PRKDC: variants seen among roughly 807,000 people sequenced by gnomAD.
The protein encoded by PRKDC is DNA-dependent protein kinase catalytic subunit.
A neutral mutation model predicts 486.9 loss-of-function variants in PRKDC; 82 were observed. That is an observed-to-expected ratio of 0.17 (90% CI 0.14 to 0.20). The LOEUF (loss-of-function observed/expected upper bound fraction) is 0.20, where lower values mean the gene tolerates loss of function less well. PRKDC is among the 10% of genes least tolerant of loss of function. The pLI, the probability that PRKDC is intolerant of heterozygous loss-of-function variation, is 1.00. For missense variants in PRKDC, 4,504 were observed against 5,038.2 expected (o/e 0.89, Z 3.21); for synonymous variants, 1,895 against 1,837.0 (o/e 1.03, Z -0.81).
intron 60 of PRKDC, among the ~76,000 whole-genome samples, chr8:47,831,252 A>C (rs2087864881): frequency 1.3e-5 from 2 of 152,218 alleles, no homozygotes; most frequent in South Asian, 4.1e-4. Context: ...CCCCACTTCC[A>C]GGGCTTCACA....
chr8:47,848,021 A>G (rs1349984867), intron 54 of PRKDC, among the ~76,000 whole-genome samples: 3 of 152,286 alleles, frequency 2.0e-5, no homozygotes, highest in Middle Eastern at 3.4e-3. Flanking sequence ...AAAAAGGAAC[A>G]CTTATACATG....
At chr8:47,840,790 GAT>G (rs1285518787) in intron 54 of PRKDC, among the ~76,000 whole-genome samples, 1 of 152,138 alleles carries the variant, frequency 6.6e-6, no homozygotes, top group Admixed American at 6.5e-5. Context: ...TGAATGTAAG[GAT>G]ATTAGGACAG....
chr8:47,900,644 G>A (rs1249884556), intron 27 of PRKDC, among the ~76,000 whole-genome samples, 177 bp from the exon 28 acceptor site: 2 of 151,922 alleles, frequency 1.3e-5, no homozygotes, highest in Admixed American at 1.3e-4. Context: ...GGTGGATCAC[G>A]AGGTCAGGAG....
intron 56 of PRKDC, among the ~76,000 whole-genome samples, chr8:47,838,422 G>A (rs976097209): frequency 7.9e-5 from 12 of 151,996 alleles, no homozygotes; most frequent in Admixed American, 7.2e-4. Context: ...GCCTAACTTG[G>A]GTAACATAGC....
At chr8:47,862,208 G>GCAT in intron 43 of PRKDC, 81 bp from the exon 44 acceptor site, 1 of 1,391,172 alleles carries the variant, frequency 7.2e-7, no homozygotes, top group Non-Finnish European at 9.8e-7. Flanking sequence ...TTAATGCTAT[G>GCAT]TAATAGCTCA....
At position 47,934,991 on chromosome 8, in the gene PRKDC, A is replaced by G; in HGVS notation, c.1497+18T>C. Reference sequence around the variant, plus strand: ...GTGATAACAGATTAATTTTCTAAACATTAAATTCAGAATTTACCTTTGGAA... The same window carrying G: ...GTGATAACAGATTAATTTTCTAAACGTTAAATTCAGAATTTACCTTTGGAA... On this transcript the variant is annotated intron_variant, in intron 14 of 85. Transcript: ENST00000314191. The G allele has an allele frequency of 2.0e-6, 3 of 1,488,008 alleles. No homozygotes were observed. Among genetic ancestry groups the G allele is most frequent in the Non-Finnish European group, 2.7e-6 (3 of 1,095,514 alleles). The allele number at this position is 1,488,008 out of a possible 1,614,324, so 92.2% of individuals were successfully genotyped here.
At position 47,837,369 on chromosome 8, in the gene PRKDC, G is replaced by C. The variant is rs749228168; in HGVS notation, c.7604C>G (p.Thr2535Ser). The C allele has an allele frequency of 3.1e-6, 5 of 1,612,606 alleles. No homozygotes were observed. Among genetic ancestry groups the C allele is most frequent in the Non-Finnish European group, 4.2e-6 (5 of 1,178,660 alleles). Reference protein sequence around the residue: ...WSHETRLPSNTLDRLLALNSL... With the variant: ...WSHETRLPSNSLDRLLALNSL... ...ATTTAGTGCCAGCAACCGGTCCAAG[G>C]TATTTGAAGGTAACCTAGTTTCATG... The change falls in exon 57 of 86, where the codon ACC becomes AGC. Residue 2535 changes from threonine to serine, a missense_variant. Around this residue, in one of 6 missense-constraint regions of PRKDC, gnomAD observed 1,592 missense variants for 1,724.6 expected, o/e 0.92. Coordinates refer to ENST00000314191, the MANE Select transcript of PRKDC (RefSeq NM_006904.7).
Position 47,819,501 on chromosome 8 carries a change from T to C in PRKDC, c.9346A>G (p.Ser3116Gly). 1.7e-6 allele frequency: 2 copies of C among 1,163,458 alleles called. No individual in the cohort carries two copies. Among genetic ancestry groups the C allele is most frequent in the Non-Finnish European group, 2.3e-6 (2 of 854,760 alleles). The allele number at this position is 1,163,458 out of a possible 1,614,324, so 72.1% of individuals were successfully genotyped here. A position where few individuals can be genotyped will look rare whatever the true frequency, so the allele number is the denominator to read the frequency against. ...GIQSFMQNYS[S>G]IDVLLHQSRL... ...CTTTGGTGTAAGAGGACATCAATAC[T>C]AGAATAATTCTTAAAAAAAAAAAAA... Residue 3116 changes from serine (S) to glycine (G), a missense_variant, in exon 67 of 86, where the codon AGT (serine) becomes GGT (glycine). By Grantham distance (56) the Ser-to-Gly change is moderately conservative (BLOSUM62 0). Coordinates refer to ENST00000314191, the MANE Select transcript of PRKDC (RefSeq NM_006904.7).
At chr8:47,875,102 T>C (rs1462403757) in intron 40 of PRKDC, among the ~76,000 whole-genome samples, 2 of 152,192 alleles carry the variant, frequency 1.3e-5, no homozygotes, top group African/African-American at 4.8e-5. Context: ...CACAGAAAGA[T>C]TTTTAATTAT....
rs760112302 is a variant in PRKDC, at chr8:47,819,021, C to G, written c.9445+381G>C. ...CCCTCAGCGTGCACCTCAGGGGCAC[C>G]ACAGCTTTCCGTCTGCAAGCCCCTG... On this transcript the variant is annotated intron_variant, in intron 67 of 85. Transcript: ENST00000314191. Among the ~76,000 whole-genome samples the G allele has an allele frequency of 1.8e-4, 27 of 152,116 alleles. 1 individual carries two copies. The highest frequency in any genetic ancestry group is 3.2e-4 in the Non-Finnish European group (22 of 68,024).
intron 25 of PRKDC, among the ~76,000 whole-genome samples, chr8:47,910,054 G>T (rs915686176): frequency 6.6e-6 from 1 of 152,094 alleles, no homozygotes; most frequent in Non-Finnish European, 1.5e-5. Context: ...AAAATCTGCT[G>T]GTTTTGCGGC....
rs570382333 is a variant in PRKDC, at chr8:47,785,730, T to C, written c.10903-413A>G. 4.1e-3 allele frequency among the ~76,000 whole-genome samples: 605 copies of C among 146,516 alleles called. 4 individuals are homozygous for C. Among genetic ancestry groups the C allele is most frequent in the South Asian group, 0.026 (121 of 4,572 alleles). On this transcript the variant is annotated intron_variant, in intron 76 of 85. Transcript: ENST00000314191. ...CAGCCTGGGTATCCGAGTGAGACCG[T>C]GTCTCTAAAAAAAAAAAAAATTATA... is the stretch of plus-strand genomic sequence containing the variant.
At chr8:47,821,865 G>A (rs1352008193) in intron 64 of PRKDC, 73 bp from the exon 65 acceptor site, 4 of 1,274,080 alleles carry the variant, frequency 3.1e-6, no homozygotes, top group East Asian at 2.6e-5. Context: ...TAAAAAGGAG[G>A]AATGTAACAA....
chr8:47,921,189 A>G (rs1402495366), intron 21 of PRKDC, among the ~76,000 whole-genome samples: 2 of 151,958 alleles, frequency 1.3e-5, no homozygotes, highest in Non-Finnish European at 2.9e-5. Flanking sequence ...CAGGAGGTGG[A>G]GCTTGCAGTG....
intron 40 of PRKDC, among the ~76,000 whole-genome samples, chr8:47,871,121 C>G (rs952447370): frequency 6.6e-6 from 1 of 152,146 alleles, no homozygotes; most frequent in African/African-American, 2.4e-5. Context: ...CAAAGACTTA[C>G]TGGTCTTAAA....
Position 47,897,232 on chromosome 8 carries a change from C to T in PRKDC, c.3527G>A (p.Cys1176Tyr). The change falls in exon 30 of 86, where the codon TGT becomes TAT. Residue 1176 changes from cysteine (C) to tyrosine (Y), a missense_variant. Physicochemically the swap from Cys to Tyr is radical, Grantham distance 194 (BLOSUM62 -2). Transcript: ENST00000314191. ...LDLVKWLLAH[C>Y]GRPQTECRHK... Reference sequence around the variant, plus strand: ...TCGACATTCTGTCTGGGGCCTCCCACAATGAGCTAAAAGCCACTTGACCAG... The same window carrying T: ...TCGACATTCTGTCTGGGGCCTCCCATAATGAGCTAAAAGCCACTTGACCAG... The T allele has an allele frequency of 6.2e-7, 1 of 1,609,174 alleles. No homozygotes were observed. The highest frequency in any genetic ancestry group is 8.5e-7 in the Non-Finnish European group (1 of 1,176,132).
rs756322024 is a variant in PRKDC, at chr8:47,840,122, C to G, written c.7348G>C (p.Glu2450Gln). Residue 2450 changes from glutamate to glutamine, a missense_variant, in exon 55 of 86, where the codon GAA becomes CAA. Around this residue, in one of 6 missense-constraint regions of PRKDC, gnomAD observed 1,592 missense variants for 1,724.6 expected, o/e 0.92. Coordinates refer to ENST00000314191, the MANE Select transcript of PRKDC (RefSeq NM_006904.7). ...YKMMPKLKPV[E>Q]LRELLNPVVE... ...ACGGGGTTCAGAAGTTCTCGGAGTTCTACTGGTTTTAACTTTGGCATCATC... is the reference window on the plus strand; with the variant it reads ...ACGGGGTTCAGAAGTTCTCGGAGTTGTACTGGTTTTAACTTTGGCATCATC... 1.9e-6 allele frequency: 3 copies of G among 1,596,854 alleles called. No homozygotes were observed. Among genetic ancestry groups the G allele is most frequent in the Non-Finnish European group, 2.6e-6 (3 of 1,170,362 alleles).
At chr8:47,894,083 C>T (rs1051589094) in intron 30 of PRKDC, among the ~76,000 whole-genome samples, 4 of 152,218 alleles carry the variant, frequency 2.6e-5, no homozygotes, top group African/African-American at 7.2e-5. Flanking sequence ...GAGTTCATGA[C>T]CAGCCTGGCC....
At chr8:47,779,527 C>T (rs893112818) in intron 80 of PRKDC, among the ~76,000 whole-genome samples, 1 of 152,216 alleles carries the variant, frequency 6.6e-6, no homozygotes, top group African/African-American at 2.4e-5. Context: ...CCAAAAAGCC[C>T]GCACAGTTTT....
Sources: allele counts gnomAD v4.1 joint callset (sites outside exome capture counted in the v4.1 genomes callset), GRCh38; gene constraint gnomAD v4.1.1; regional missense constraint gnomAD v4.1.1; transcripts MANE v1.5; gene names NCBI Gene and HGNC (gene_info 2026-07-23, HGNC 2026-07-21).